ZNF280C: variants seen among roughly 807,000 people sequenced by gnomAD.
The protein encoded by ZNF280C is suppressor of hairy wing homolog 3.
Under a neutral mutation model 53.6 loss-of-function variants are expected in ZNF280C, and 14 were observed. That is an observed-to-expected ratio of 0.26 (90% CI 0.17 to 0.41). ZNF280C has a LOEUF of 0.41. ZNF280C is among the 10% of genes least tolerant of loss of function. ZNF280C has a pLI of 1.00. For synonymous variants in ZNF280C, 203 were observed against 181.1 expected (o/e 1.12, Z -0.97); for missense variants, 416 against 547.1 (o/e 0.76, Z 2.39).
chrX:130,215,408 T>C, intron 14 of ZNF280C, 75 bp from the exon 15 acceptor site: 1 of 990,895 alleles, frequency 1.0e-6, no homozygotes, highest in Middle Eastern at 3.4e-4. Context: ...ATTAACATTT[T>C]ATTAACTGAA....
intron 2 of ZNF280C, among the ~76,000 whole-genome samples, chrX:130,248,663 T>C (rs1353269583): frequency 1.8e-5 from 2 of 111,843 alleles, no homozygotes; most frequent in African/African-American, 6.5e-5. Flanking sequence ...AGCCCCAGTC[T>C]GCCCATTCCC....
chrX:130,265,393 T>A (rs1443992372), intron 1 of ZNF280C, among the ~76,000 whole-genome samples: 2 of 112,370 alleles, frequency 1.8e-5, no homozygotes, highest in African/African-American at 6.5e-5. Flanking sequence ...TTATAATTCA[T>A]ATGTAAAAGA....
chrX:130,212,008 C>T (rs776644806), intron 15 of ZNF280C, among the ~76,000 whole-genome samples: 5 of 111,599 alleles, frequency 4.5e-5, no homozygotes, highest in Non-Finnish European at 9.4e-5. Context: ...CTAGGGTCTG[C>T]TTTAGAGAAA....
chrX:130,236,086 T>G (rs1432428572), intron 8 of ZNF280C, 128 bp downstream of exon 8: 2 of 373,769 alleles, frequency 5.4e-6, no homozygotes, highest in African/African-American at 5.2e-5. Flanking sequence ...TTAAGTTACA[T>G]GGAAATGCCA....
chrX:130,216,106 A>G lies in ZNF280C; in HGVS notation c.1528-5T>C, dbSNP rs2032100584. On this transcript the variant is annotated splice_region_variant and splice_polypyrimidine_tract_variant and intron_variant, in intron 13 of 18. Coordinates refer to ENST00000370978, the MANE Select transcript of ZNF280C (RefSeq NM_017666.5). ...AAGTGAAGCTCGAATAGTAACCTAT[A>G]AAAACAAAGCCAATACATATTTTTA... 8.4e-7 allele frequency: 1 copy of G among 1,184,240 alleles called. No individual in the cohort carries two copies. Among genetic ancestry groups the G allele is most frequent in the Non-Finnish European group, 1.1e-6 (1 of 879,857 alleles).
chrX:130,256,384 A>G (rs2032571171), intron 2 of ZNF280C, among the ~76,000 whole-genome samples: 1 of 111,983 alleles, frequency 8.9e-6, no homozygotes, highest in African/African-American at 3.3e-5. Flanking sequence ...TTAAATTGTT[A>G]GATTACCTGA....
rs780507177 is a variant in ZNF280C, at chrX:130,202,792, T to C, written c.*2185A>G. The C allele has an allele frequency of 2.0e-4, 22 of 110,962 alleles. 1 individual carries two copies. Among genetic ancestry groups the C allele is most frequent in the African/African-American group, 6.9e-4 (21 of 30,567 alleles). The allele number at this position is 110,962 out of a possible 1,213,427, so 9.1% of individuals were successfully genotyped here. ...ATTAAAAAAATAACATCAAAACTGT[T>C]CAGCAAATCTGTATTCAATGTAACC... is the stretch of plus-strand genomic sequence containing the variant. On this transcript the variant is annotated 3_prime_UTR_variant, in exon 19 of 19. Transcript: ENST00000370978.
At chrX:130,232,421 G>A (rs1171769538) in intron 8 of ZNF280C, among the ~76,000 whole-genome samples, 2 of 108,336 alleles carry the variant, frequency 1.8e-5, no homozygotes, top group Non-Finnish European at 3.8e-5. Flanking sequence ...AAGAATAACT[G>A]GATAAAAAAA....
chrX:130,266,961 C>T (rs931035609), intron 1 of ZNF280C, among the ~76,000 whole-genome samples: 7 of 110,890 alleles, frequency 6.3e-5, no homozygotes, highest in African/African-American at 2.3e-4. Context: ...ATTAGCCGGG[C>T]GTGGTGGCAA....
At chrX:130,208,074 T>C (rs148209081) in intron 16 of ZNF280C, among the ~76,000 whole-genome samples, 390 of 112,307 alleles carry the variant, frequency 3.5e-3, no homozygotes, top group African/African-American at 0.011. Flanking sequence ...TTTAACAAAA[T>C]AGTAATTATG....
chrX:130,246,288 G>C (rs774592783), intron 3 of ZNF280C, among the ~76,000 whole-genome samples: 2 of 111,855 alleles, frequency 1.8e-5, no homozygotes, highest in East Asian at 5.6e-4. Context: ...CAGTAGTTGC[G>C]GAAGATGGGT....
intron 1 of ZNF280C, among the ~76,000 whole-genome samples, chrX:130,263,133 C>A (rs1427209157): frequency 8.9e-6 from 1 of 112,181 alleles, no homozygotes; most frequent in Non-Finnish European, 1.9e-5. Context: ...AATGGTACAG[C>A]CACTGTGGAA....
At chrX:130,263,950 G>A (rs1378618754) in intron 1 of ZNF280C, among the ~76,000 whole-genome samples, 1 of 105,975 alleles carries the variant, frequency 9.4e-6, no homozygotes, top group African/African-American at 3.5e-5. Flanking sequence ...GCTTGAACCT[G>A]GGAGGTGGAG....
intron 1 of ZNF280C, among the ~76,000 whole-genome samples, chrX:130,262,866 T>C (rs778957072): frequency 5.5e-4 from 62 of 112,722 alleles, no homozygotes; most frequent in Non-Finnish European, 9.0e-4. Context: ...CCTATTTATT[T>C]TTTGGTTTCA....
intron 9 of ZNF280C, among the ~76,000 whole-genome samples, chrX:130,229,419 T>G (rs1390207235): frequency 9.0e-6 from 1 of 111,686 alleles, no homozygotes; most frequent in Non-Finnish European, 1.9e-5. Context: ...GATTTAAAAT[T>G]TTTTTTAGCA....
intron 2 of ZNF280C, among the ~76,000 whole-genome samples, chrX:130,249,705 GAA>G (rs1331431704): frequency 2.7e-5 from 3 of 111,973 alleles, no homozygotes; most frequent in African/African-American, 9.7e-5. Context: ...AGCCCACAAA[GAA>G]GAGAAAGAAC....
At position 130,214,553 on chromosome X, in the gene ZNF280C, G is replaced by C. The variant is rs209237; in HGVS notation, c.1979+640C>G. Among the ~76,000 whole-genome samples, 709 of 111,166 alleles carry C rather than the reference G, an allele frequency of 6.4e-3. 5 individuals carry two copies. The highest frequency in any genetic ancestry group is 0.022 in the African/African-American group (687 of 30,581). Reference sequence around the variant, plus strand: ...TACAGGGGTCCCTGTATCCATGGGGGATTGGTTCTAGGACCTCCTGCAGGT... The same window carrying C: ...TACAGGGGTCCCTGTATCCATGGGGCATTGGTTCTAGGACCTCCTGCAGGT... On this transcript the variant is annotated intron_variant, in intron 15 of 18. Coordinates refer to ENST00000370978, the MANE Select transcript of ZNF280C (RefSeq NM_017666.5).
chrX:130,216,181 T>C, intron 13 of ZNF280C, 80 bp from the exon 14 acceptor site: 4 of 916,243 alleles, frequency 4.4e-6, no homozygotes, highest in Middle Eastern at 2.9e-4. Flanking sequence ...AAGCCGTAAA[T>C]ATCACATTTA....
At chrX:130,246,086 T>G (rs2032446960) in intron 3 of ZNF280C, among the ~76,000 whole-genome samples, 1 of 112,181 alleles carries the variant, frequency 8.9e-6, no homozygotes, top group African/African-American at 3.2e-5. Flanking sequence ...TTTATTTTAA[T>G]AAACATCACC....
Sources: gnomAD v4.1 joint callset for allele counts (sites outside exome capture counted in the v4.1 genomes callset) on GRCh38, gnomAD v4.1.1 for gene constraint, MANE v1.5 for transcripts, NCBI Gene and HGNC (gene_info 2026-07-23, HGNC 2026-07-21) for gene names.